Variants in GDAP1 observed in about 807,000 individuals in gnomAD.
The protein encoded by GDAP1 is ganglioside induced differentiation associated protein 1.
A neutral mutation model predicts 40.1 loss-of-function variants in GDAP1; 34 were observed. The ratio of observed to expected loss-of-function variants is 0.85; its 90% CI spans 0.64 to 1.13. The LOEUF is 1.13. GDAP1 is among the 50% of genes most tolerant of loss of function. The pLI is 0.00. For synonymous variants in GDAP1, 170 were observed against 157.4 expected (o/e 1.08, Z -0.60); for missense variants, 374 against 433.7 (o/e 0.86, Z 1.22).
At chr8:74,445,147 C>T (rs568421856) in intron 2 of GDAP1, among the ~76,000 whole-genome samples, 1 of 152,254 alleles carries the variant, frequency 6.6e-6, no homozygotes, top group Non-Finnish European at 1.5e-5. Context: ...GGAAGGACAT[C>T]TAAAAGTAAT....
At chr8:74,445,441 C>A (rs576956541) in intron 2 of GDAP1, among the ~76,000 whole-genome samples, 22 of 152,210 alleles carry the variant, frequency 1.4e-4, no homozygotes, top group African/African-American at 5.1e-4. Context: ...GCTTCTTTTG[C>A]AAATTGTGTA....
At chr8:74,356,102 G>A (rs1028436433) in intron 2 of GDAP1, among the ~76,000 whole-genome samples, 2 of 152,088 alleles carry the variant, frequency 1.3e-5, no homozygotes, top group African/African-American at 4.8e-5. Flanking sequence ...GTATATAGTT[G>A]AATATAGGCC....
At chr8:74,384,029 A>AT (rs773803454) in intron 2 of GDAP1, among the ~76,000 whole-genome samples, 2 of 152,184 alleles carry the variant, frequency 1.3e-5, no homozygotes, top group African/African-American at 4.8e-5. Flanking sequence ...GAGAATAATG[A>AT]TTTTATTATT....
intron 2 of GDAP1, among the ~76,000 whole-genome samples, chr8:74,481,331 C>A (rs1446313101): frequency 6.6e-6 from 1 of 152,198 alleles, no homozygotes; most frequent in East Asian, 1.9e-4. Context: ...TAGGATGGCA[C>A]TTGGAATAGC....
downstream of GDAP1, among the ~76,000 whole-genome samples, chr8:74,369,474 T>C (rs896622122): frequency 6.6e-6 from 1 of 151,878 alleles, no homozygotes; most frequent in Admixed American, 6.6e-5. Context: ...AGTGAAAAAT[T>C]CATTGGATGG....
chr8:74,371,283 C>G (rs1263553762), downstream of GDAP1, among the ~76,000 whole-genome samples: 2 of 152,152 alleles, frequency 1.3e-5, no homozygotes, highest in Non-Finnish European at 2.9e-5. Flanking sequence ...AAATCAACAA[C>G]TAAAATATTT....
intron 2 of GDAP1, among the ~76,000 whole-genome samples, chr8:74,487,797 T>G (rs1806794866): frequency 6.6e-6 from 1 of 152,140 alleles, no homozygotes; most frequent in South Asian, 2.1e-4. Context: ...GGATTGAGCT[T>G]TGAGGTCCAC....
rs567556432 is a variant in GDAP1, at chr8:74,416,190, A to G, written c.165+64869A>G. On this transcript the variant is annotated intron_variant, in intron 2 of 2. Transcript: ENST00000523640. Reference sequence around the variant, plus strand: ...GACTACTTATTGTGCCATATGTGGGAAGCCAGAGTGTGGACTTGCCCGACC... The same window carrying G: ...GACTACTTATTGTGCCATATGTGGGGAGCCAGAGTGTGGACTTGCCCGACC... Among the ~76,000 whole-genome samples the G allele has an allele frequency of 1.9e-4, 28 of 149,950 alleles. No individual in the cohort carries two copies. In the South Asian group the frequency reaches 2.3e-3, roughly 12 times the overall value.
At position 74,364,508 on chromosome 8, in the gene GDAP1, C is replaced by A; in HGVS notation, c.*141C>A. ...CAGAAGTCATCTTTGTTACACAACA[C>A]AGGGGTTCAGGTAGCAATAGGACAC... On this transcript the variant is annotated 3_prime_UTR_variant, in exon 6 of 6. Coordinates refer to ENST00000220822, the MANE Select transcript of GDAP1 (RefSeq NM_018972.4). 2 of 859,096 alleles carry A rather than the reference C, an allele frequency of 2.3e-6. No individual in the cohort carries two copies. Among genetic ancestry groups the A allele is most frequent in the Non-Finnish European group, 3.8e-6 (2 of 519,510 alleles). The allele number at this position is 859,096 out of a possible 1,614,324, so 53.2% of individuals were successfully genotyped here.
At chr8:74,413,052 C>T (rs1273645130) in intron 2 of GDAP1, among the ~76,000 whole-genome samples, 7 of 96,398 alleles carry the variant, frequency 7.3e-5, no homozygotes, top group South Asian at 3.6e-4. Context: ...GGCGATAAAG[C>T]GAGACTCTGT....
intron 2 of GDAP1, among the ~76,000 whole-genome samples, chr8:74,474,171 A>G (rs1213840831): frequency 1.3e-5 from 2 of 152,176 alleles, no homozygotes; most frequent in East Asian, 1.9e-4. Context: ...GAAGTTTTTT[A>G]TCAGCTTTAG....
Position 74,351,222 on chromosome 8 carries a change from C to A in GDAP1, c.118-52C>A, listed in dbSNP as rs1808854008. 3 of 1,448,968 alleles carry A rather than the reference C, an allele frequency of 2.1e-6. No individual in the cohort carries two copies. The South Asian group carries it at 3.4e-5, about 17-fold the overall frequency. 89.8% of individuals were successfully genotyped at this position (1,448,968 alleles called of 1,614,324 possible). On this transcript the variant is annotated intron_variant, in intron 1 of 5. Transcript: ENST00000220822. ...GCTGCTTAGCGGTGTCCAGGGAAGT[C>A]ATTTAATTGAAAGCTTACATGTGTT...
chr8:74,366,814 C>T lies in GDAP1; in HGVS notation c.*2447C>T. The T allele has an allele frequency of 2.2e-6, 1 of 453,328 alleles. No individual in the cohort carries two copies. The highest frequency in any genetic ancestry group is 4.4e-6 in the Non-Finnish European group (1 of 226,546). The allele number at this position is 453,328 out of a possible 1,614,324, so 28.1% of individuals were successfully genotyped here. ...GTGTTGTTGAATGCAGTAGAGAGAC[C>T]AAGACACTATTCTGTAAGATCAATA... is the stretch of plus-strand genomic sequence containing the variant. On this transcript the variant is annotated 3_prime_UTR_variant, in exon 6 of 6. Transcript: ENST00000220822.
At chr8:74,487,781 A>G (rs1220983567) in intron 2 of GDAP1, among the ~76,000 whole-genome samples, 2 of 152,174 alleles carry the variant, frequency 1.3e-5, no homozygotes, top group African/African-American at 2.4e-5. Context: ...TCTAAGAATC[A>G]GCTCTGGATT....
chr8:74,468,387 TC>T (rs1446655124), intron 2 of GDAP1, among the ~76,000 whole-genome samples: 3 of 151,936 alleles, frequency 2.0e-5, no homozygotes, highest in African/African-American at 7.3e-5. Flanking sequence ...TCAAGACCTG[TC>T]CATCTGTGCC....
intron 2 of GDAP1, among the ~76,000 whole-genome samples, chr8:74,374,373 A>G (rs763075383): frequency 6.6e-6 from 1 of 152,196 alleles, no homozygotes; most frequent in Non-Finnish European, 1.5e-5. Flanking sequence ...TGGGAAATTT[A>G]TAGCTTTAAA....
chr8:74,409,604 C>G (rs1805682969), intron 2 of GDAP1, among the ~76,000 whole-genome samples: 1 of 150,122 alleles, frequency 6.7e-6, no homozygotes, highest in South Asian at 2.1e-4. Flanking sequence ...CCACCTGCTT[C>G]AGCCTCCCAA....
intron 2 of GDAP1, among the ~76,000 whole-genome samples, chr8:74,413,578 C>T (rs1477868952): frequency 6.7e-6 from 1 of 149,778 alleles, no homozygotes; most frequent in Non-Finnish European, 1.5e-5. Context: ...TTTCTCATGC[C>T]CCATCTCTCC....
At position 74,351,794 on chromosome 8, in the gene GDAP1, G is replaced by T. The variant is rs563220274; in HGVS notation, c.310+328G>T. Among the ~76,000 whole-genome samples the T allele has an allele frequency of 2.0e-4, 30 of 152,262 alleles. 1 individual carries two copies. In the South Asian group the frequency reaches 5.6e-3, roughly 28 times the overall value. On this transcript the variant is annotated intron_variant, in intron 2 of 5. Transcript: ENST00000220822. ...CTTAAATTCATAATATTCTAAATGT[G>T]CACTGTGACGATTTCATCTAATATA...
Sources: gnomAD v4.1 joint callset for allele counts (sites outside exome capture counted in the v4.1 genomes callset) on GRCh38, gnomAD v4.1.1 for gene constraint, MANE v1.5 for transcripts, NCBI Gene and HGNC (gene_info 2026-07-23, HGNC 2026-07-21) for gene names.